DCAF16: variants seen among roughly 807,000 people sequenced by gnomAD.
DCAF16 encodes the protein DDB1 and CUL4 associated factor 16.
A neutral mutation model predicts 17.3 loss-of-function variants in DCAF16; 10 were observed. That is an observed-to-expected ratio of 0.58 (90% confidence interval 0.36 to 0.98). The LOEUF is 0.98. Ranked by LOEUF, DCAF16 falls within the 50% of genes least tolerant of loss-of-function variation. The pLI, the probability that DCAF16 is intolerant of heterozygous loss-of-function variation, is 0.01. For missense variants in DCAF16, 249 were observed against 247.6 expected (o/e 1.01, Z -0.04); for synonymous variants, 111 against 92.8 (o/e 1.20, Z -1.12).
downstream of DCAF16, among the ~76,000 whole-genome samples, chr4:17,796,820 C>G (rs577591260): frequency 6.6e-6 from 1 of 151,930 alleles, no homozygotes; most frequent in Non-Finnish European, 1.5e-5. Context: ...TACCACGTGT[C>G]TCCTATAAAA....
chr4:17,803,760 G>T lies in DCAF16; in HGVS notation c.382C>A (p.Leu128Ile), dbSNP rs1348499218. 6.2e-7 allele frequency: 1 copy of T among 1,614,158 alleles called. No individual in the cohort carries two copies. Among genetic ancestry groups the T allele is most frequent in the Non-Finnish European group, 8.5e-7 (1 of 1,180,034 alleles). Reference sequence around the variant, plus strand: ...CTAGAGAGCCGGCTGGGACTTGTAAGAGGCTTTTGAAAAGGTGGGACTCCA... The same window carrying T: ...CTAGAGAGCCGGCTGGGACTTGTAATAGGCTTTTGAAAAGGTGGGACTCCA... ...SCGVPPFQKPLTSPSRLSRDH... is the reference protein window; with the variant it reads ...SCGVPPFQKPITSPSRLSRDH... The change falls in exon 3 of 3, where the codon CTT (leucine) becomes ATT (isoleucine). Residue 128 changes from leucine to isoleucine, a missense_variant. By Grantham distance (5) the Leu-to-Ile change is conservative (BLOSUM62 2). Transcript: ENST00000382247.
At chr4:17,794,500 C>T in the DCAF16 span, among the ~76,000 whole-genome samples, 5 of 152,088 alleles carry the variant, frequency 3.3e-5, no homozygotes, top group African/African-American at 1.2e-4. Flanking sequence ...ACCTGTAATT[C>T]TTTATGCTTT....
chr4:17,806,533 T>C (rs1208604367), intron 1 of DCAF16, among the ~76,000 whole-genome samples: 2 of 152,190 alleles, frequency 1.3e-5, no homozygotes, highest in Non-Finnish European at 2.9e-5. Context: ...GAACTAATCA[T>C]GAATATGTAA....
chr4:17,799,359 G>T (rs576506110), downstream of DCAF16, among the ~76,000 whole-genome samples: 2 of 152,266 alleles, frequency 1.3e-5, no homozygotes, highest in Admixed American at 1.3e-4. Flanking sequence ...AAATGGCTTG[G>T]GGTAACATAT....
At chr4:17,798,606 AAAT>A (rs1009209118), downstream of DCAF16, among the ~76,000 whole-genome samples, 4 of 152,092 alleles carry the variant, frequency 2.6e-5, no homozygotes, top group East Asian at 1.9e-4. Flanking sequence ...AAAAATAAAA[AAAT>A]AATAATAATA....
chr4:17,797,591 A>G (rs1422233215), downstream of DCAF16, among the ~76,000 whole-genome samples: 1 of 152,228 alleles, frequency 6.6e-6, no homozygotes, highest in Non-Finnish European at 1.5e-5. Flanking sequence ...TCTGTGGCCA[A>G]CATTAATGCC....
At chr4:17,798,326 T>TA (rs1194513139), downstream of DCAF16, among the ~76,000 whole-genome samples, 1 of 150,870 alleles carries the variant, frequency 6.6e-6, no homozygotes, top group African/African-American at 2.4e-5. Context: ...TTTTTTTTTT[T>TA]TTTTTATACC....
chr4:17,804,242 C>T lies in DCAF16; in HGVS notation c.-101G>A. 2.0e-6 allele frequency: 2 copies of T among 1,009,848 alleles called. No individual in the cohort carries two copies. The highest frequency in any genetic ancestry group is 2.9e-6 in the Non-Finnish European group (2 of 684,140). 62.6% of individuals were successfully genotyped at this position (1,009,848 alleles called of 1,614,324 possible). On this transcript the variant is annotated 5_prime_UTR_variant, in exon 3 of 3. Coordinates refer to ENST00000382247, the MANE Select transcript of DCAF16 (RefSeq NM_017741.4). ...AGAAATAAGAGATGAAAAATCCTTT[C>T]ACCAAGATTAATTTGTCTTTCAGTC...
rs1044784264 is a variant in DCAF16, at chr4:17,802,513, AAAAAAG to A, written c.*972_*977del. ...CTCCTGCCTCCCCGCCCCCTTCCAAAAAAAAGAAAAAGTGAAAGGAACTCTAAAGAG... is the reference window on the plus strand; with the variant it reads ...CTCCTGCCTCCCCGCCCCCTTCCAAAAAAAAGTGAAAGGAACTCTAAAGAG... On this transcript the variant is annotated 3_prime_UTR_variant, in exon 3 of 3. Coordinates refer to ENST00000382247, the MANE Select transcript of DCAF16 (RefSeq NM_017741.4). 5.3e-5 allele frequency: 8 copies of A among 152,138 alleles called. No homozygotes were observed. Among genetic ancestry groups the A allele is most frequent in the African/African-American group, 1.9e-4 (8 of 41,426 alleles). 9.4% of individuals were successfully genotyped at this position (152,138 alleles called of 1,614,324 possible).
chr4:17,809,040 A>T (rs1720600212), intron 1 of DCAF16, among the ~76,000 whole-genome samples: 1 of 152,172 alleles, frequency 6.6e-6, no homozygotes, highest in Admixed American at 6.5e-5. Context: ...AAATAAAAAT[A>T]AAAAAATATA....
rs77270813 is a variant in DCAF16 at position 17,801,644 on chromosome 4, G to A, written c.*1847C>T. On this transcript the variant is annotated 3_prime_UTR_variant, in exon 3 of 3. Transcript: ENST00000382247. The stretch of plus-strand genomic sequence containing the variant: ...AATAGTCTCATGCATTTTATTTTAC[G>A]TATACTGATTTCTACGTTTTGACTG... The A allele has an allele frequency of 3.3e-5, 5 of 152,032 alleles. No homozygotes were observed. The highest frequency in any genetic ancestry group is 1.3e-4 in the Admixed American group (2 of 15,270). The allele number at this position is 152,032 out of a possible 1,614,324, so 9.4% of individuals were successfully genotyped here.
rs961010782 is a variant in DCAF16 at position 17,802,284 on chromosome 4, T to C, written c.*1207A>G. 1 of 152,606 alleles carries C rather than the reference T, an allele frequency of 6.6e-6. No homozygotes were observed. The highest frequency in any genetic ancestry group is 2.4e-5 in the African/African-American group (1 of 41,446). The allele number at this position is 152,606 out of a possible 1,614,324, so 9.5% of individuals were successfully genotyped here. On this transcript the variant is annotated 3_prime_UTR_variant, in exon 3 of 3. Coordinates refer to ENST00000382247, the MANE Select transcript of DCAF16 (RefSeq NM_017741.4). The stretch of plus-strand genomic sequence containing the variant: ...TCCATTCATCTTTTGAAATGTTATT[T>C]ACTCTTGACAAAAGTCTGAGTACCA...
the DCAF16 span, among the ~76,000 whole-genome samples, chr4:17,795,579 T>C: frequency 3.3e-5 from 5 of 152,228 alleles, no homozygotes; most frequent in African/African-American, 4.8e-5. Flanking sequence ...TTTTAAAATT[T>C]CTTCAAGTTA....
At position 17,810,451 on chromosome 4, in the gene DCAF16, G is replaced by T. The variant is rs945445119; in HGVS notation, c.-754C>A. ...ACAGCATCCGTCTCCACTAACCTCG[G>T]GTCGCCCCGCTCAGCGGACCCAGCA... On this transcript the variant is annotated 5_prime_UTR_variant, in exon 1 of 3. Transcript: ENST00000382247. The T allele has an allele frequency of 6.6e-6, 1 of 152,382 alleles. No homozygotes were observed. The highest frequency in any genetic ancestry group is 6.5e-5 in the Admixed American group (1 of 15,282). 9.4% of individuals were successfully genotyped at this position (152,382 alleles called of 1,614,324 possible).
At chr4:17,798,274 A>C (rs1326623976), downstream of DCAF16, among the ~76,000 whole-genome samples, 1 of 149,994 alleles carries the variant, frequency 6.7e-6, no homozygotes, top group African/African-American at 2.5e-5. Flanking sequence ...AGAAGAAATA[A>C]CCCTATCGCT....
chr4:17,795,950 G>C (rs1043201210), downstream of DCAF16, among the ~76,000 whole-genome samples: 1 of 152,184 alleles, frequency 6.6e-6, no homozygotes, highest in African/African-American at 2.4e-5. Context: ...CCCATTGCCA[G>C]ATTCTGTAGC....
At chr4:17,806,605 C>A (rs1185487020) in intron 1 of DCAF16, among the ~76,000 whole-genome samples, 2 of 152,096 alleles carry the variant, frequency 1.3e-5, no homozygotes, top group Non-Finnish European at 2.9e-5. Context: ...TTGGATGGAA[C>A]AAATATCATA....
chr4:17,803,441 C>T lies in DCAF16; in HGVS notation c.*50G>A, dbSNP rs372020474. ...GGGCTGTGTAATGACTAACTTTGTA[C>T]CACTTTCTCAATTAGCAACATCAGA... On this transcript the variant is annotated 3_prime_UTR_variant, in exon 3 of 3. Coordinates refer to ENST00000382247, the MANE Select transcript of DCAF16 (RefSeq NM_017741.4). 1 of 1,543,694 alleles carries T rather than the reference C, an allele frequency of 6.5e-7. No individual in the cohort carries two copies. Among genetic ancestry groups the T allele is most frequent in the African/African-American group, 1.4e-5 (1 of 73,472 alleles).
In DCAF16 at chr4:17,803,191, A is replaced by T; in HGVS notation, c.*300T>A. The T allele has an allele frequency of 3.1e-6, 1 of 324,196 alleles. No homozygotes were observed. The highest frequency in any genetic ancestry group is 5.8e-6 in the Non-Finnish European group (1 of 171,714). The allele number at this position is 324,196 out of a possible 1,614,324, so 20.1% of individuals were successfully genotyped here. A position where few individuals can be genotyped will look rare whatever the true frequency, so the allele number is the denominator to read the frequency against. On this transcript the variant is annotated 3_prime_UTR_variant, in exon 3 of 3. Transcript: ENST00000382247. ...AGGCGTGCACTGCTGCGCCCGGCTA[A>T]TTTTTTTATTTTTAGTAGAGACAGG...
Sources: gnomAD v4.1 joint callset for allele counts (sites outside exome capture counted in the v4.1 genomes callset) on GRCh38, gnomAD v4.1.1 for gene constraint, MANE v1.5 for transcripts, NCBI Gene and HGNC (gene_info 2026-07-23, HGNC 2026-07-21) for gene names.